The following CACNG7 variants were observed in gnomAD, a reference collection of about 807,000 sequenced individuals.
CACNG7 encodes voltage-dependent calcium channel gamma-7 subunit.
In CACNG7, 9 loss-of-function variants were observed where a neutral mutation model predicts 26.3. The observed-to-expected ratio is 0.34, with a 90% CI of 0.21 to 0.60. The LOEUF is 0.60. Ranked by LOEUF, CACNG7 falls within the 20% of genes least tolerant of loss-of-function variation. The pLI is 0.81. For synonymous variants in CACNG7, 170 were observed against 157.0 expected (o/e 1.08, Z -0.62); for missense variants, 297 against 380.4 (o/e 0.78, Z 1.82).
In CACNG7 at chr19:53,940,150, G is replaced by C. The variant is rs926293927; in HGVS notation, c.425-1320G>C. Among the ~76,000 whole-genome samples the C allele has an allele frequency of 6.6e-6, 1 of 152,180 alleles. No homozygotes were observed. The highest frequency in any genetic ancestry group is 2.4e-5 in the African/African-American group (1 of 41,446). ...GCCTCCTTAAGCCACTCTTGGCATG[G>C]TTACTGTTTAGAGGAAATTTCATCT... On this transcript the variant is annotated intron_variant, in intron 4 of 5. Coordinates refer to ENST00000391767, the MANE Select transcript of CACNG7 (RefSeq NM_031896.5). This position sits in a 1 kb window ranked among gnomAD's most constrained non-coding sequence, Gnocchi z 4.1.
chr19:53,923,637 C>G (rs562089512), intron 4 of CACNG7, among the ~76,000 whole-genome samples: 19 of 139,424 alleles, frequency 1.4e-4, no homozygotes, highest in African/African-American at 4.3e-4. Context: ...TGTCCCAGGT[C>G]TGGTCATTGG....
rs1231632702 is a variant in CACNG7 at position 53,919,749 on chromosome 19, C to G, written c.424+4244C>G. Among the ~76,000 whole-genome samples the G allele has an allele frequency of 3.7e-4, 45 of 122,308 alleles. 4 individuals carry two copies. Among genetic ancestry groups the G allele is most frequent in the African/African-American group, 1.5e-3 (44 of 29,994 alleles). 80.2% of individuals were successfully genotyped at this position (122,308 alleles called of 152,430 possible). A position where few individuals can be genotyped will look rare whatever the true frequency, so the allele number is the denominator to read the frequency against. ...TGGTCATTGGTGGAGTTGCCCAGGT[C>G]TGGTATTGGTGGAGTTGCCCCAGGC... On this transcript the variant is annotated intron_variant, in intron 4 of 5. Transcript: ENST00000391767.
At chr19:53,933,511 A>G (rs2069086913) in intron 4 of CACNG7, among the ~76,000 whole-genome samples, 2 of 151,630 alleles carry the variant, frequency 1.3e-5, no homozygotes, top group South Asian at 4.2e-4. Flanking sequence ...TGTTTTGGAC[A>G]GGCTGGTCTC....
chr19:53,934,055 G>A (rs971332862), intron 4 of CACNG7, among the ~76,000 whole-genome samples: 3 of 151,636 alleles, frequency 2.0e-5, no homozygotes, highest in African/African-American at 4.8e-5. Context: ...GCACCACCAC[G>A]CCCGGCTAAT....
At chr19:53,914,833 C>T (rs928557768) in intron 3 of CACNG7, among the ~76,000 whole-genome samples, 1 of 151,828 alleles carries the variant, frequency 6.6e-6, no homozygotes, top group Non-Finnish European at 1.5e-5. Context: ...GAAACCTTGT[C>T]TCTACTAAAA....
In CACNG7 at chr19:53,942,187, G is replaced by C. The variant is rs2145921914; in HGVS notation, c.722G>C (p.Arg241Pro). 1 of 1,614,032 alleles carries C rather than the reference G, an allele frequency of 6.2e-7. No homozygotes were observed. Among genetic ancestry groups the C allele is most frequent in the South Asian group, 1.1e-5 (1 of 91,086 alleles). Reference sequence around the variant, plus strand: ...CAGCCCGAGGCGTGGCGCCGCGGCCGGAGCCCCTCCGACATCTCCAGCGAC... The same window carrying C: ...CAGCCCGAGGCGTGGCGCCGCGGCCCGAGCCCCTCCGACATCTCCAGCGAC... ...FLQPEAWRRG[R>P]SPSDISSDVS... Residue 241 changes from arginine to proline, a missense_variant, in exon 6 of 6, where the codon CGG becomes CCG. Coordinates refer to ENST00000391767, the MANE Select transcript of CACNG7 (RefSeq NM_031896.5). This position sits in a 1 kb window ranked among gnomAD's most constrained non-coding sequence, Gnocchi z 5.9.
At chr19:53,920,449 G>T (rs1395882565) in intron 4 of CACNG7, among the ~76,000 whole-genome samples, 2 of 74,832 alleles carry the variant, frequency 2.7e-5, no homozygotes, top group Non-Finnish European at 4.8e-5. Context: ...CCGGTCATTG[G>T]TGGAGTCGTC....
chr19:53,929,564 C>G (rs1305563606), intron 4 of CACNG7, among the ~76,000 whole-genome samples: 1 of 152,176 alleles, frequency 6.6e-6, no homozygotes, highest in Non-Finnish European at 1.5e-5. Context: ...TCAAGCGATT[C>G]TCCTGTCTCA....
intron 1 of CACNG7, among the ~76,000 whole-genome samples, chr19:53,911,170 A>G (rs1425700273): frequency 6.6e-6 from 1 of 151,690 alleles, no homozygotes; most frequent in African/African-American, 2.4e-5. Flanking sequence ...GGTTCAAGCT[A>G]TTCTCCTGCC....
At chr19:53,917,208 A>T (rs1382842770) in intron 4 of CACNG7, among the ~76,000 whole-genome samples, 1 of 152,132 alleles carries the variant, frequency 6.6e-6, no homozygotes, top group Non-Finnish European at 1.5e-5. Context: ...AGTACATTTA[A>T]CTCCATCCAT....
At chr19:53,913,349 C>T (rs1037401614) in intron 2 of CACNG7, among the ~76,000 whole-genome samples, 3 of 151,802 alleles carry the variant, frequency 2.0e-5, no homozygotes, top group Non-Finnish European at 2.9e-5. Context: ...GGGACGGGCG[C>T]GGTGGCTCAT....
rs1427294350 is a variant in CACNG7 at position 53,942,621 on chromosome 19, G to A, written c.*328G>A. ...TCGTTCTCCACCTGCTCTGAGCTGG[G>A]AGCAGCCAGAGGCGGTGCAAGCGCC... On this transcript the variant is annotated 3_prime_UTR_variant, in exon 6 of 6. Coordinates refer to ENST00000391767, the MANE Select transcript of CACNG7 (RefSeq NM_031896.5). The surrounding 1 kb of genome is among the most constrained non-coding windows in gnomAD (Gnocchi z 5.9). 2 of 1,183,296 alleles carry A rather than the reference G, an allele frequency of 1.7e-6. No individual in the cohort carries two copies. Among genetic ancestry groups the A allele is most frequent in the Non-Finnish European group, 1.1e-6 (1 of 946,584 alleles). 73.3% of individuals were successfully genotyped at this position (1,183,296 alleles called of 1,614,324 possible).
intron 4 of CACNG7, among the ~76,000 whole-genome samples, chr19:53,926,899 C>CA (rs2145912281): frequency 6.6e-6 from 1 of 152,298 alleles, no homozygotes; most frequent in South Asian, 2.1e-4. Flanking sequence ...GTCGACAGAA[C>CA]AAGACTCTGT....
At chr19:53,931,473 G>T (rs2069070882) in intron 4 of CACNG7, among the ~76,000 whole-genome samples, 1 of 151,662 alleles carries the variant, frequency 6.6e-6, no homozygotes. Flanking sequence ...GACCATTTGA[G>T]GTCAGGTGTT....
At chr19:53,936,525 G>A (rs2069106332) in intron 4 of CACNG7, among the ~76,000 whole-genome samples, 1 of 152,144 alleles carries the variant, frequency 6.6e-6, no homozygotes. Flanking sequence ...AAATTGGTGT[G>A]CTACTGAAAA....
At chr19:53,913,112 T>C in intron 2 of CACNG7, 85 bp downstream of exon 2, 3 of 1,181,950 alleles carry the variant, frequency 2.5e-6, no homozygotes, top group Non-Finnish European at 3.5e-6. Flanking sequence ...TCCCTTGAGT[T>C]CCAGAAATCC....
chr19:53,933,176 C>T (rs2069084491), intron 4 of CACNG7, among the ~76,000 whole-genome samples: 2 of 151,766 alleles, frequency 1.3e-5, no homozygotes, highest in Admixed American at 6.6e-5. Flanking sequence ...GGTGCAATCT[C>T]GGCTCACTGC....
At position 53,915,360 on chromosome 19, in the gene CACNG7, C is replaced by T; in HGVS notation, c.284-5C>T. The stretch of plus-strand genomic sequence containing the variant: ...CACCCCTGTCTCTCCCCATCCCCTC[C>T]CCAGAGACAGTGCGCACGGCCACCC... On this transcript the variant is annotated splice_region_variant and splice_polypyrimidine_tract_variant and intron_variant, in intron 3 of 5. Transcript: ENST00000391767. 1.2e-6 allele frequency: 2 copies of T among 1,610,574 alleles called. No homozygotes were observed. The highest frequency in any genetic ancestry group is 1.7e-6 in the Non-Finnish European group (2 of 1,176,778).
intron 4 of CACNG7, among the ~76,000 whole-genome samples, chr19:53,917,160 C>T (rs888169239): frequency 6.6e-6 from 1 of 152,134 alleles, no homozygotes; most frequent in Non-Finnish European, 1.5e-5. Flanking sequence ...CCAATTCAGT[C>T]CAATTCAGCT....
Sources: gnomAD v4.1 joint callset for allele counts (sites outside exome capture counted in the v4.1 genomes callset) on GRCh38, gnomAD v4.1.1 for gene constraint, Gnocchi (gnomAD v3.1) non-coding constraint, MANE v1.5 for transcripts, NCBI Gene and HGNC (gene_info 2026-07-23, HGNC 2026-07-21) for gene names.